LPP: variants seen among roughly 807,000 people sequenced by gnomAD.
The protein encoded by LPP is LIM domain containing preferred translocation partner in lipoma, also known as lipoma-preferred partner.
In LPP, 38 loss-of-function variants were observed where a neutral mutation model predicts 60.4. The ratio of observed to expected loss-of-function variants is 0.63; its 90% confidence interval spans 0.49 to 0.83. The LOEUF is 0.83. Among genes scored for constraint, LPP ranks in the 40% least tolerant of loss-of-function variants. The pLI, the probability that LPP is intolerant of heterozygous loss-of-function variation, is 0.00. For missense variants in LPP, 902 were observed against 783.6 expected, an observed-to-expected ratio of 1.15 and a Z score of -1.80; for synonymous variants, 328 against 290.8, an observed-to-expected ratio of 1.13 and a Z score of -1.30.
chr3:188,445,618 C>T (rs907795794), intron 4 of LPP, among the ~76,000 whole-genome samples: 2 of 151,772 alleles, frequency 1.3e-5, no homozygotes, highest in Non-Finnish European at 2.9e-5. Flanking sequence ...GCACATGTAT[C>T]CCAGAACTTA....
intron 4 of LPP, among the ~76,000 whole-genome samples, chr3:188,447,467 A>G (rs1795496390): frequency 6.6e-6 from 1 of 152,014 alleles, no homozygotes; most frequent in South Asian, 2.1e-4. Context: ...AAAATTAGTC[A>G]GGCATGGTGG....
intron 6 of LPP, among the ~76,000 whole-genome samples, chr3:188,582,860 C>G (rs528523657): frequency 1.3e-5 from 2 of 152,250 alleles, no homozygotes; most frequent in South Asian, 4.1e-4. Context: ...ATCAATTTTA[C>G]CTCCTAAATA....
intron 1 of LPP, among the ~76,000 whole-genome samples, chr3:188,163,719 A>G (rs2148722261): frequency 6.6e-6 from 1 of 151,358 alleles, no homozygotes; most frequent in South Asian, 2.1e-4. Flanking sequence ...AGTTGGGTGG[A>G]TCACGTGAGG....
At chr3:188,582,000 G>A (rs1836283509) in intron 6 of LPP, among the ~76,000 whole-genome samples, 1 of 151,646 alleles carries the variant, frequency 6.6e-6, no homozygotes, top group South Asian at 2.1e-4. Context: ...GTAAATCTGT[G>A]GCACAGTCAG....
chr3:188,643,113 C>A (rs1418756508), intron 7 of LPP, among the ~76,000 whole-genome samples: 2 of 152,058 alleles, frequency 1.3e-5, no homozygotes, highest in African/African-American at 2.4e-5. Context: ...TACATAGGTT[C>A]CTTTTAGAAT....
chr3:188,694,712 A>T (rs1003138986), intron 7 of LPP, among the ~76,000 whole-genome samples: 30 of 133,248 alleles, frequency 2.3e-4, no homozygotes, highest in Non-Finnish European at 3.3e-4. Flanking sequence ...AAAAAAAAAT[A>T]AATAAAAACT....
At chr3:188,320,492 C>T (rs1756605612) in intron 2 of LPP, among the ~76,000 whole-genome samples, 1 of 152,192 alleles carries the variant, frequency 6.6e-6, no homozygotes, top group South Asian at 2.1e-4. Flanking sequence ...TCAGAAACCA[C>T]ATCTCCAATA....
At chr3:188,641,467 C>A (rs1381950557) in intron 7 of LPP, among the ~76,000 whole-genome samples, 2 of 152,084 alleles carry the variant, frequency 1.3e-5, no homozygotes, top group Non-Finnish European at 2.9e-5. Flanking sequence ...GTAAGAGAGG[C>A]AAGCACAGGT....
At chr3:188,368,680 T>TCACACACACACA (rs1442170326) in intron 3 of LPP, among the ~76,000 whole-genome samples, 32 of 95,322 alleles carry the variant, frequency 3.4e-4, no homozygotes, top group Middle Eastern at 4.1e-3. Context: ...ACACACACAC[T>TCACACACACACA]CTCACACACA....
At chr3:188,363,905 CA>C (rs541715135) in intron 3 of LPP, among the ~76,000 whole-genome samples, 19,362 of 96,770 alleles carry the variant, frequency 0.2, 914 homozygotes, top group South Asian at 0.21. Context: ...AACTCCCTCC[CA>C]AAAAAAAAAA....
At chr3:188,483,897 T>C (rs1169103911) in intron 4 of LPP, among the ~76,000 whole-genome samples, 1 of 152,252 alleles carries the variant, frequency 6.6e-6, no homozygotes, top group Admixed American at 6.5e-5. Flanking sequence ...CTCTGCTGCA[T>C]GCATGATAAA....
intron 9 of LPP, among the ~76,000 whole-genome samples, chr3:188,840,546 TGGA>T (rs1335425573): frequency 2.0e-5 from 3 of 152,212 alleles, no homozygotes; most frequent in African/African-American, 7.2e-5. Flanking sequence ...TTTCCCGGGC[TGGA>T]GTGCAGTGGT....
chr3:188,380,680 T>C (rs1350568473), intron 3 of LPP, among the ~76,000 whole-genome samples: 3 of 152,232 alleles, frequency 2.0e-5, no homozygotes, highest in African/African-American at 7.2e-5. Context: ...AATTAAGGTT[T>C]AGTGGTCCAT....
At chr3:188,792,818 C>T (rs73888903) in intron 9 of LPP, among the ~76,000 whole-genome samples, 2,319 of 152,226 alleles carry the variant, frequency 0.015, 59 homozygotes, top group African/African-American at 0.052. Context: ...TTTTGGAATA[C>T]TGGGAGGCAC....
At chr3:188,234,813 C>T (rs527491722) in intron 2 of LPP, among the ~76,000 whole-genome samples, 2 of 152,236 alleles carry the variant, frequency 1.3e-5, no homozygotes, top group South Asian at 4.1e-4. Flanking sequence ...ATGATGTCCC[C>T]ACTATTCAAA....
At chr3:188,577,478 C>T (rs896286951) in intron 6 of LPP, among the ~76,000 whole-genome samples, 13 of 151,752 alleles carry the variant, frequency 8.6e-5, no homozygotes, top group Admixed American at 2.6e-4. Context: ...TCTTTCTATA[C>T]TTCTCTACTT....
At chr3:188,226,850 A>T (rs534704855) in intron 2 of LPP, among the ~76,000 whole-genome samples, 2 of 152,224 alleles carry the variant, frequency 1.3e-5, no homozygotes, top group Non-Finnish European at 2.9e-5. Flanking sequence ...TAATCAGTGT[A>T]TCTTAAAAGT....
intron 2 of LPP, among the ~76,000 whole-genome samples, chr3:188,318,190 C>T (rs1755676230): frequency 6.6e-6 from 1 of 152,148 alleles, no homozygotes; most frequent in South Asian, 2.1e-4. Flanking sequence ...GCTCACAGCA[C>T]TTAAAAAATT....
intron 3 of LPP, among the ~76,000 whole-genome samples, chr3:188,380,057 G>T (rs1354269186): frequency 6.6e-6 from 1 of 152,142 alleles, no homozygotes; most frequent in Non-Finnish European, 1.5e-5. Context: ...CCCCCATAAT[G>T]AGAAAAATTG....
Sources: gnomAD v4.1 joint callset for allele counts (sites outside exome capture counted in the v4.1 genomes callset) on GRCh38, gnomAD v4.1.1 for gene constraint, MANE v1.5 for transcripts, NCBI Gene and HGNC (gene_info 2026-07-23, HGNC 2026-07-21) for gene names.